NSUN2: variants seen among roughly 807,000 people sequenced by gnomAD.
NSUN2 encodes the protein NOP2/Sun RNA methyltransferase 2.
Under a neutral mutation model 92.7 loss-of-function variants are expected in NSUN2, and 63 were observed. That is an observed-to-expected ratio of 0.68 (90% CI 0.56 to 0.84). The LOEUF (loss-of-function observed/expected upper bound fraction) is 0.84, where lower values mean the gene tolerates loss of function less well. Among genes scored for constraint, NSUN2 ranks in the 40% least tolerant of loss-of-function variants. NSUN2 has a pLI of 0.00. For missense variants in NSUN2, 989 were observed against 964.9 expected (o/e 1.02, Z -0.33); for synonymous variants, 356 against 348.3 (o/e 1.02, Z -0.25).
At chr5:6,604,835 G>A in intron 15 of NSUN2, 150 bp from the exon 16 acceptor site, 2 of 655,970 alleles carry the variant, frequency 3.0e-6, no homozygotes, top group East Asian at 2.7e-5. Flanking sequence ...AGAACGAACT[G>A]ATACTCACAA....
intron 6 of NSUN2, chr5:6,621,727 A>G (rs936764346): frequency 7.9e-5 from 21 of 266,118 alleles, no homozygotes; most frequent in South Asian, 1.9e-4. Context: ...CAGCCTGGGC[A>G]ACAGAGTGAG....
At chr5:6,629,240 G>C (rs924406466) in intron 3 of NSUN2, among the ~76,000 whole-genome samples, 2 of 152,200 alleles carry the variant, frequency 1.3e-5, no homozygotes, top group Non-Finnish European at 2.9e-5. Context: ...CTAAGAGTTT[G>C]GTAATTACCT....
At chr5:6,632,068 A>G in intron 2 of NSUN2, 91 bp from the exon 3 acceptor site, 2 of 976,792 alleles carry the variant, frequency 2.0e-6, no homozygotes, top group Non-Finnish European at 3.1e-6. Context: ...GTGTTTTAAA[A>G]CTAAAACCAA....
At chr5:6,631,176 TA>T (rs1409939878) in intron 3 of NSUN2, among the ~76,000 whole-genome samples, 1 of 152,224 alleles carries the variant, frequency 6.6e-6, no homozygotes, top group Non-Finnish European at 1.5e-5. Flanking sequence ...ACCTCAAAGT[TA>T]ATAATAACGA....
chr5:6,621,869 C>T, intron 6 of NSUN2, 147 bp downstream of exon 6: 2 of 632,422 alleles, frequency 3.2e-6, no homozygotes, highest in Non-Finnish European at 5.7e-6. Context: ...GCAAGATGTC[C>T]AGTTCTACTT....
intron 3 of NSUN2, among the ~76,000 whole-genome samples, chr5:6,631,571 T>C (rs918960848): frequency 6.6e-6 from 1 of 152,196 alleles, no homozygotes; most frequent in Non-Finnish European, 1.5e-5. Context: ...TGCAACAGTT[T>C]TGATGTGAGA....
intron 15 of NSUN2, 103 bp downstream of exon 15, chr5:6,605,170 G>C (rs1268368478): frequency 6.8e-7 from 1 of 1,473,122 alleles, no homozygotes; most frequent in African/African-American, 1.4e-5. Context: ...GCTACAGGTG[G>C]GGAGGGCAGA....
intron 12 of NSUN2, among the ~76,000 whole-genome samples, chr5:6,608,008 C>T (rs957154613): frequency 2.6e-5 from 4 of 152,118 alleles, no homozygotes; most frequent in Non-Finnish European, 4.4e-5. Context: ...TAACAGGTCA[C>T]AAAATTGATA....
At chr5:6,628,314 C>T (rs1378791140) in intron 3 of NSUN2, among the ~76,000 whole-genome samples, 1 of 152,122 alleles carries the variant, frequency 6.6e-6, no homozygotes, top group Non-Finnish European at 1.5e-5. Context: ...TGCCACTGCA[C>T]TCCAACCTGG....
Position 6,631,922 on chromosome 5 carries a change from C to T in NSUN2, c.310G>A (p.Asp104Asn). 7 of 1,614,126 alleles carry T rather than the reference C, an allele frequency of 4.3e-6. No individual in the cohort carries two copies. The highest frequency in any genetic ancestry group is 5.9e-6 in the Non-Finnish European group (7 of 1,179,994). The part of the protein sequence containing the change: ...LKNKYFKELE[D>N]LEVDGQKVEV... ...ACTTTCTGACCGTCCACCTCCAGGT[C>T]CTCCAATTCCTTAAAATATTTGTTC... Residue 104 changes from aspartate (D) to asparagine (N), a missense_variant, in exon 3 of 19, where the codon GAC becomes AAC. Coordinates refer to ENST00000264670, the MANE Select transcript of NSUN2 (RefSeq NM_017755.6).
chr5:6,617,873 G>T (rs1297204883), intron 8 of NSUN2, 77 bp downstream of exon 8: 1 of 1,097,380 alleles, frequency 9.1e-7, no homozygotes, highest in Non-Finnish European at 1.3e-6. Context: ...TTAAAGATCG[G>T]ATGCTCACTT....
At chr5:6,625,515 T>C (rs759977628) in intron 4 of NSUN2, 49 bp downstream of exon 4, 1 of 1,343,890 alleles carries the variant, frequency 7.4e-7, no homozygotes, top group South Asian at 1.2e-5. Context: ...ACTACATCTA[T>C]GCATTTACAG....
intron 16 of NSUN2, 65 bp from the exon 17 acceptor site, chr5:6,604,341 C>T: frequency 2.2e-6 from 3 of 1,388,906 alleles, no homozygotes; most frequent in Non-Finnish European, 3.0e-6. Flanking sequence ...CAACAGCCTG[C>T]TCTCAGGGGC....
At position 6,623,078 on chromosome 5, in the gene NSUN2, A is replaced by G. The variant is rs535953648; in HGVS notation, c.537+136T>C. On this transcript the variant is annotated intron_variant, in intron 5 of 18. Coordinates refer to ENST00000264670, the MANE Select transcript of NSUN2 (RefSeq NM_017755.6). ...AAAAAAAAGAAACTAAGATACGTAC[A>G]TATCACTCTCTATCCAAAGTGAAAA... is the stretch of plus-strand genomic sequence containing the variant. 2.7e-5 allele frequency: 16 copies of G among 587,312 alleles called. No individual in the cohort carries two copies. In the South Asian group the frequency reaches 5.8e-4, roughly 21 times the overall value. The allele number at this position is 587,312 out of a possible 1,614,324, so 36.4% of individuals were successfully genotyped here. A position where few individuals can be genotyped will look rare whatever the true frequency, so the allele number is the denominator to read the frequency against.
chr5:6,611,860 G>C (rs1737007510), intron 9 of NSUN2, 62 bp from the exon 10 acceptor site: 2 of 1,410,500 alleles, frequency 1.4e-6, no homozygotes, highest in Admixed American at 1.8e-5. Flanking sequence ...ACTATGCTCA[G>C]TGAAAAAAAC....
At chr5:6,626,322 TTTTA>T (rs755564476) in intron 3 of NSUN2, among the ~76,000 whole-genome samples, 1 of 151,778 alleles carries the variant, frequency 6.6e-6, no homozygotes, top group Non-Finnish European at 1.5e-5. Flanking sequence ...TCAATGTTAT[TTTTA>T]TTTTTTTTAT....
chr5:6,625,512 C>T, intron 4 of NSUN2, 52 bp downstream of exon 4: 3 of 1,318,870 alleles, frequency 2.3e-6, no homozygotes, highest in Non-Finnish European at 3.3e-6. Flanking sequence ...TACACTACAT[C>T]TATGCATTTA....
rs767704923 is a variant in NSUN2, at chr5:6,602,504, GAA to G, written c.1958-6_1958-5del. On this transcript the variant is annotated splice_region_variant and splice_polypyrimidine_tract_variant and intron_variant, in intron 17 of 18. Coordinates refer to ENST00000264670, the MANE Select transcript of NSUN2 (RefSeq NM_017755.6). ...TTCAGCACGATGCTTCCCTTTGCTGGAAAAGAAACAGACACACATTTGCCAGG... is the reference window on the plus strand; with the variant it reads ...TTCAGCACGATGCTTCCCTTTGCTGGAAGAAACAGACACACATTTGCCAGG... 1.2e-6 allele frequency: 2 copies of G among 1,614,174 alleles called. No homozygotes were observed. The highest frequency in any genetic ancestry group is 1.7e-6 in the Non-Finnish European group (2 of 1,180,008).
intron 11 of NSUN2, 72 bp from the exon 12 acceptor site, chr5:6,609,994 C>G: frequency 2.0e-6 from 2 of 1,015,360 alleles, no homozygotes; most frequent in East Asian, 5.3e-5. Context: ...AGACAAATAC[C>G]GCAAAGATGA....
Sources: allele counts gnomAD v4.1 joint callset (sites outside exome capture counted in the v4.1 genomes callset), GRCh38; gene constraint gnomAD v4.1.1; transcripts MANE v1.5; gene names NCBI Gene and HGNC (gene_info 2026-07-23, HGNC 2026-07-21).